The following SLCO1A2 variants were observed in gnomAD, a reference collection of about 807,000 sequenced individuals.
SLCO1A2 encodes the protein OATP-1.
A neutral mutation model predicts 69.0 loss-of-function variants in SLCO1A2; 67 were observed. The observed-to-expected ratio is 0.97, with a 90% CI of 0.80 to 1.19. The LOEUF is 1.19. Among genes scored for constraint, SLCO1A2 ranks in the 50% most tolerant of loss-of-function variants. The pLI is 0.00. For synonymous variants in SLCO1A2, 260 were observed against 265.9 expected, an observed-to-expected ratio of 0.98 and a Z score of 0.22; for missense variants, 787 against 793.7, an observed-to-expected ratio of 0.99 and a Z score of 0.10.
intron 1 of SLCO1A2, among the ~76,000 whole-genome samples, chr12:21,390,292 A>G (rs1275191194): frequency 6.6e-6 from 1 of 152,092 alleles, no homozygotes; most frequent in Non-Finnish European, 1.5e-5. Flanking sequence ...TGAGTTTCTA[A>G]ATTACTGTTG....
chr12:21,322,547 T>G (rs189457498), intron 2 of SLCO1A2, among the ~76,000 whole-genome samples: 140 of 152,318 alleles, frequency 9.2e-4, no homozygotes, highest in Non-Finnish European at 1.7e-3. Context: ...GGAAGAGTTA[T>G]TATCAATAGA....
In SLCO1A2 at chr12:21,300,405, C is replaced by T. The variant is rs761378365; in HGVS notation, c.853G>A (p.Glu285Lys). 5 of 1,613,020 alleles carry T rather than the reference C, an allele frequency of 3.1e-6. No homozygotes were observed. The African/African-American group carries it at 5.3e-5, about 17-fold the overall frequency. The change falls in exon 8 of 15, where the codon GAA becomes AAA. Residue 285 changes from glutamate (E) to lysine (K), a missense_variant. Coordinates refer to ENST00000683939, the MANE Select transcript of SLCO1A2 (RefSeq NM_001386879.1). ...LETNADIIKN[E>K]NEDKQKEEVK... is the part of the protein sequence containing the mutation. ...TCTTCTTTTTGTTTGTCTTCATTTTCATTTTTAATGATGTCAGCATTAGTC... is the reference window on the plus strand; with the variant it reads ...TCTTCTTTTTGTTTGTCTTCATTTTTATTTTTAATGATGTCAGCATTAGTC...
intron 2 of SLCO1A2, among the ~76,000 whole-genome samples, chr12:21,360,923 G>A (rs1938810028): frequency 1.3e-5 from 2 of 152,240 alleles, no homozygotes; most frequent in South Asian, 4.1e-4. Context: ...GCAGCTCAAG[G>A]AGGCCTGCCT....
chr12:21,294,053 G>A lies in SLCO1A2; in HGVS notation c.1329C>T (p.Cys443=), dbSNP rs1489313445. ...NDIFADCNVD[C]NCPSKIWDPV... ...GATCCCATATTTTAGATGGACAGTT[G>A]CAATCCACATTGCAATCAGCAAAGA... The change falls in exon 11 of 15, where the codon TGC becomes TGT. Residue 443 remains cysteine (C), a synonymous_variant. Coordinates refer to ENST00000683939, the MANE Select transcript of SLCO1A2 (RefSeq NM_001386879.1). The A allele has an allele frequency of 1.9e-6, 3 of 1,609,752 alleles. No individual in the cohort carries two copies. Among genetic ancestry groups the A allele is most frequent in the Non-Finnish European group, 8.5e-7 (1 of 1,178,110 alleles).
chr12:21,415,392 CTCATA>C (rs1476463439), intron 1 of SLCO1A2, among the ~76,000 whole-genome samples: 3 of 151,994 alleles, frequency 2.0e-5, no homozygotes, highest in Non-Finnish European at 4.4e-5. Context: ...TCGTCTTTAC[CTCATA>C]TATTTCATAT....
chr12:21,270,110 G>A (rs1942538150), intron 14 of SLCO1A2, among the ~76,000 whole-genome samples: 1 of 151,764 alleles, frequency 6.6e-6, no homozygotes, highest in Admixed American at 6.6e-5. Flanking sequence ...TAGTAAGAAT[G>A]CTTCCAAAGA....
At chr12:21,386,412 AC>A in intron 1 of SLCO1A2, among the ~76,000 whole-genome samples, 1 of 152,110 alleles carries the variant, frequency 6.6e-6, no homozygotes, top group Middle Eastern at 3.4e-3. Flanking sequence ...CACTCCCATA[AC>A]CCCCACATAT....
chr12:21,290,675 A>G (rs1946702040), intron 12 of SLCO1A2, among the ~76,000 whole-genome samples: 1 of 152,198 alleles, frequency 6.6e-6, no homozygotes, highest in African/African-American at 2.4e-5. Context: ...TTAAAAAACT[A>G]TGCAAAAGGT....
intron 2 of SLCO1A2, among the ~76,000 whole-genome samples, chr12:21,332,862 G>C (rs769691623): frequency 6.6e-6 from 1 of 152,026 alleles, no homozygotes; most frequent in Non-Finnish European, 1.5e-5. Context: ...TGGGAATTTG[G>C]ATGGGACACA....
At chr12:21,357,897 C>T (rs545231837) in intron 2 of SLCO1A2, among the ~76,000 whole-genome samples, 1 of 152,192 alleles carries the variant, frequency 6.6e-6, no homozygotes, top group East Asian at 1.9e-4. Context: ...AAAATATAAA[C>T]ATGCAAACCA....
chr12:21,358,032 G>A (rs968915389), intron 2 of SLCO1A2, among the ~76,000 whole-genome samples: 1 of 152,016 alleles, frequency 6.6e-6, no homozygotes, highest in Non-Finnish European at 1.5e-5. Context: ...GGAGTGAGTT[G>A]GTCTCCTGTC....
intron 12 of SLCO1A2, among the ~76,000 whole-genome samples, chr12:21,291,063 T>C (rs1342925568): frequency 2.0e-5 from 3 of 152,162 alleles, no homozygotes; most frequent in Non-Finnish European, 4.4e-5. Flanking sequence ...GAAGAGATGC[T>C]TAAGCTCAGT....
At chr12:21,344,675 T>C (rs1181526082) in intron 2 of SLCO1A2, among the ~76,000 whole-genome samples, 2 of 152,054 alleles carry the variant, frequency 1.3e-5, no homozygotes. Context: ...AGCAGAAAAT[T>C]ATATGCATAA....
At chr12:21,289,857 CT>C (rs1946562564) in intron 12 of SLCO1A2, among the ~76,000 whole-genome samples, 1 of 151,994 alleles carries the variant, frequency 6.6e-6, no homozygotes, top group South Asian at 2.1e-4. Context: ...CTTTTGCCAT[CT>C]GATGCAAAGT....
intron 1 of SLCO1A2, among the ~76,000 whole-genome samples, chr12:21,416,338 T>A (rs1376748975): frequency 1.4e-5 from 2 of 145,166 alleles, no homozygotes; most frequent in African/African-American, 5.2e-5. Context: ...TGAATGAAGA[T>A]TCACTATAGA....
In SLCO1A2 at chr12:21,269,662, G is replaced by C. The variant is rs765397744; in HGVS notation, c.1899C>G (p.Ala633=). The change falls in exon 15 of 15, where the codon GCC becomes GCG. Residue 633 remains alanine, a synonymous_variant. Transcript: ENST00000683939. ...LRKCHLPGEN[A]SSGTELIETK... ...TCTCTATAAGCTCTGTTCCTGAAGA[G>C]GCATTTTCACCAGGTAGATGACACT... is the stretch of plus-strand genomic sequence containing the variant. 1.9e-5 allele frequency: 30 copies of C among 1,612,476 alleles called. No individual in the cohort carries two copies. The highest frequency in any genetic ancestry group is 1.6e-4 in the South Asian group (15 of 91,010).
At chr12:21,335,363 G>T (rs1952846617), upstream of SLCO1A2, among the ~76,000 whole-genome samples, 1 of 142,932 alleles carries the variant, frequency 7.0e-6, no homozygotes, top group East Asian at 1.9e-4. Context: ...ATATAAATGG[G>T]TATCTATATG....
chr12:21,396,935 C>T (rs980958782), upstream of SLCO1A2, among the ~76,000 whole-genome samples: 2 of 151,864 alleles, frequency 1.3e-5, no homozygotes, highest in Non-Finnish European at 2.9e-5. Context: ...AATGTAAAGA[C>T]CATCGAGACT....
chr12:21,292,035 C>G, intron 12 of SLCO1A2, 129 bp downstream of exon 12: 1 of 576,514 alleles, frequency 1.7e-6, no homozygotes, highest in African/African-American at 1.8e-5. Context: ...ATGCTTAATA[C>G]AAAACCCTTA....
Sources: gnomAD v4.1 joint callset for allele counts (sites outside exome capture counted in the v4.1 genomes callset) on GRCh38, gnomAD v4.1.1 for gene constraint, MANE v1.5 for transcripts, NCBI Gene and HGNC (gene_info 2026-07-23, HGNC 2026-07-21) for gene names.